The following MAML3 variants were observed in gnomAD, a reference collection of about 807,000 sequenced individuals.
MAML3 encodes the protein mastermind-like protein 3.
A neutral mutation model predicts 101.9 loss-of-function variants in MAML3; 27 were observed. The ratio of observed to expected loss-of-function variants is 0.27; its 90% CI spans 0.20 to 0.37. The LOEUF is 0.37. Among genes scored for constraint, MAML3 ranks in the 10% least tolerant of loss-of-function variants. The pLI, the probability that MAML3 is intolerant of heterozygous loss-of-function variation, is 1.00. For missense variants in MAML3, 1,316 were observed against 1,444.9 expected, an observed-to-expected ratio of 0.91 and a Z score of 1.45; for synonymous variants, 501 against 555.9, an observed-to-expected ratio of 0.90 and a Z score of 1.39.
intron 2 of MAML3, among the ~76,000 whole-genome samples, chr4:139,797,417 G>C (rs942419781): frequency 2.0e-5 from 3 of 152,146 alleles, no homozygotes; most frequent in Admixed American, 6.5e-5. Flanking sequence ...ATGGACACTG[G>C]ACAATGGGCT....
intron 1 of MAML3, among the ~76,000 whole-genome samples, chr4:139,897,134 G>A (rs570668502): frequency 1.6e-3 from 237 of 152,332 alleles, no homozygotes; most frequent in Middle Eastern, 3.4e-3. Context: ...AATAAAGATA[G>A]TGATGCTACT....
In MAML3 at chr4:139,890,587, A is replaced by C; in HGVS notation, c.849T>G (p.Thr283=). ...DLKQEPLDDP[T]CIDTSETSLS... Reference sequence around the variant, plus strand: ...GAGATGTTTCTGATGTGTCTATGCAAGTAGGGTCATCGAGAGGTTCTTGTT... The same window carrying C: ...GAGATGTTTCTGATGTGTCTATGCACGTAGGGTCATCGAGAGGTTCTTGTT... The change falls in exon 2 of 5, where the codon ACT becomes ACG. Residue 283 remains threonine (T), a synonymous_variant. Transcript: ENST00000509479. This position sits in a 1 kb window ranked among gnomAD's most constrained non-coding sequence, Gnocchi z 4.1. 1 of 1,614,012 alleles carries C rather than the reference A, an allele frequency of 6.2e-7. No homozygotes were observed. Among genetic ancestry groups the C allele is most frequent in the East Asian group, 2.2e-5 (1 of 44,894 alleles).
intron 2 of MAML3, among the ~76,000 whole-genome samples, chr4:139,840,123 C>A (rs3796627): frequency 6.6e-6 from 1 of 151,984 alleles, no homozygotes; most frequent in Non-Finnish European, 1.5e-5. Flanking sequence ...CTGGAAAAGA[C>A]CTGGATGGAG....
chr4:140,088,187 C>G lies in MAML3; in HGVS notation c.468+64673G>C, dbSNP rs558770060. Among the ~76,000 whole-genome samples the G allele has an allele frequency of 1.4e-4, 22 of 151,936 alleles. No individual in the cohort carries two copies. The South Asian group carries it at 4.4e-3, about 30-fold the overall frequency. On this transcript the variant is annotated intron_variant, in intron 1 of 4. Coordinates refer to ENST00000509479, the MANE Select transcript of MAML3 (RefSeq NM_018717.5). ...GAGCTACGATCTCACCACTGCACTC[C>G]AGCCTGGGCAAAAAAGTGTGATGGG...
intron 1 of MAML3, among the ~76,000 whole-genome samples, chr4:139,967,257 C>T (rs575016428): frequency 5.9e-4 from 90 of 152,032 alleles, no homozygotes; most frequent in African/African-American, 2.2e-3. Context: ...GGCAGTCGCC[C>T]CCTCAAAATT....
intron 1 of MAML3, among the ~76,000 whole-genome samples, chr4:139,997,678 C>T (rs1734843829): frequency 6.6e-6 from 1 of 151,892 alleles, no homozygotes; most frequent in African/African-American, 2.4e-5. Flanking sequence ...TATCTGGAGT[C>T]ATCTTTTTAG....
At chr4:139,962,821 C>G (rs532749784) in intron 1 of MAML3, among the ~76,000 whole-genome samples, 2 of 152,268 alleles carry the variant, frequency 1.3e-5, no homozygotes, top group African/African-American at 4.8e-5. Flanking sequence ...GTAGTCAATT[C>G]ATTTAGAAAA....
chr4:140,134,804 T>C (rs1444423473), intron 1 of MAML3, among the ~76,000 whole-genome samples: 2 of 152,130 alleles, frequency 1.3e-5, no homozygotes, highest in African/African-American at 4.8e-5. Context: ...GATCAGAGTG[T>C]GAATATCACC....
chr4:139,802,507 T>A (rs371634383), intron 2 of MAML3, among the ~76,000 whole-genome samples: 93 of 152,302 alleles, frequency 6.1e-4, no homozygotes, highest in Middle Eastern at 3.4e-3. Context: ...TCTGAATACT[T>A]CTCTATATTT....
intron 1 of MAML3, among the ~76,000 whole-genome samples, chr4:140,005,296 G>A (rs979930038): frequency 6.6e-6 from 1 of 152,152 alleles, no homozygotes; most frequent in Non-Finnish European, 1.5e-5. Context: ...CAAATAATAT[G>A]CATAAAATAT....
intron 1 of MAML3, among the ~76,000 whole-genome samples, chr4:140,075,877 CA>C (rs1474580841): frequency 4.3e-4 from 66 of 152,294 alleles, no homozygotes; most frequent in Middle Eastern, 3.4e-3. Flanking sequence ...TCTCCCACCT[CA>C]GCCTCAAGAG....
intron 2 of MAML3, among the ~76,000 whole-genome samples, chr4:139,801,377 C>T (rs908967164): frequency 3.9e-5 from 6 of 152,152 alleles, no homozygotes; most frequent in Admixed American, 6.5e-5. Context: ...TCTAAAACTG[C>T]CAACCCTTTT....
At chr4:139,766,863 C>T (rs377484665) in intron 2 of MAML3, among the ~76,000 whole-genome samples, 146 of 152,344 alleles carry the variant, frequency 9.6e-4, no homozygotes, top group African/African-American at 3.2e-3. Context: ...TCTGCAGGCA[C>T]GGCCATGGGG....
At chr4:139,846,714 C>G (rs929105776) in intron 2 of MAML3, among the ~76,000 whole-genome samples, 1 of 152,212 alleles carries the variant, frequency 6.6e-6, no homozygotes, top group Non-Finnish European at 1.5e-5. Flanking sequence ...CTTTTCTTTA[C>G]AGGCACAGTC....
chr4:140,080,413 C>T (rs184212354), intron 1 of MAML3, among the ~76,000 whole-genome samples: 40 of 152,330 alleles, frequency 2.6e-4, no homozygotes, highest in Admixed American at 1.4e-3. Context: ...ATGTTCCACA[C>T]CCACAGGGCA....
intron 2 of MAML3, among the ~76,000 whole-genome samples, chr4:139,786,860 A>G (rs1385450718): frequency 6.6e-6 from 1 of 152,114 alleles, no homozygotes; most frequent in Non-Finnish European, 1.5e-5. Context: ...ACAGCACGAT[A>G]TATTGACTTT....
chr4:140,039,782 G>A (rs1228488287), intron 1 of MAML3, among the ~76,000 whole-genome samples: 1 of 152,182 alleles, frequency 6.6e-6, no homozygotes, highest in African/African-American at 2.4e-5. Flanking sequence ...ATGGGTGCTA[G>A]TGCACTGCTG....
At chr4:139,768,093 A>G (rs1729899941) in intron 2 of MAML3, among the ~76,000 whole-genome samples, 1 of 152,128 alleles carries the variant, frequency 6.6e-6, no homozygotes, top group Admixed American at 6.6e-5. Context: ...TCCTTTGCCC[A>G]CTTTTTAATG....
At chr4:140,064,312 A>G (rs1377759668) in intron 1 of MAML3, among the ~76,000 whole-genome samples, 1 of 152,202 alleles carries the variant, frequency 6.6e-6, no homozygotes, top group Non-Finnish European at 1.5e-5. Flanking sequence ...AAATCCAATT[A>G]TTTCATAAGC....
Sources: allele counts gnomAD v4.1 joint callset (sites outside exome capture counted in the v4.1 genomes callset), GRCh38; gene constraint gnomAD v4.1.1; non-coding constraint Gnocchi (gnomAD v3.1); transcripts MANE v1.5; gene names NCBI Gene and HGNC (gene_info 2026-07-23, HGNC 2026-07-21).